Variants in ABLIM1 observed in about 807,000 individuals in gnomAD.
ABLIM1 encodes the protein actin binding LIM protein 1.
ABLIM1 carries 40 observed loss-of-function variants against 107.0 expected under a neutral mutation model. That is an observed-to-expected ratio of 0.37 (90% CI 0.29 to 0.49). The LOEUF (loss-of-function observed/expected upper bound fraction) is 0.49, where lower values mean the gene tolerates loss of function less well. Ranked by LOEUF, ABLIM1 falls within the 20% of genes least tolerant of loss-of-function variation. The probability of loss-of-function intolerance (pLI) is 0.97; values close to 1 mark genes in which losing one functional copy is unlikely to be tolerated. For synonymous variants in ABLIM1, 357 were observed against 357.3 expected, an observed-to-expected ratio of 1.00 and a Z score of 0.01; for missense variants, 857 against 1,008.5, an observed-to-expected ratio of 0.85 and a Z score of 2.04.
At chr10:114,705,811 A>G (rs1252986564) in intron 1 of ABLIM1, among the ~76,000 whole-genome samples, 2 of 152,232 alleles carry the variant, frequency 1.3e-5, no homozygotes, top group Non-Finnish European at 2.9e-5. Flanking sequence ...TCATAACAAA[A>G]AATTTGAAAT....
At chr10:114,742,800 A>G (rs1161806404) in intron 1 of ABLIM1, among the ~76,000 whole-genome samples, 1 of 152,100 alleles carries the variant, frequency 6.6e-6, no homozygotes, top group Non-Finnish European at 1.5e-5. Context: ...GTGGTGGCAC[A>G]CGCCTATAGT....
chr10:114,436,145 G>T lies in ABLIM1; in HGVS notation c.*115C>A. On this transcript the variant is annotated 3_prime_UTR_variant, in exon 23 of 23. Transcript: ENST00000533213. ...TTTAACCAGACTTTCTCTTTTTGGT[G>T]TTGCTGAGCGACGGTAGTTTGCAAA... is the stretch of plus-strand genomic sequence containing the variant. 1 of 739,902 alleles carries T rather than the reference G, an allele frequency of 1.4e-6. No individual in the cohort carries two copies. The highest frequency in any genetic ancestry group is 2.3e-6 in the Non-Finnish European group (1 of 443,538). The allele number at this position is 739,902 out of a possible 1,614,324, so 45.8% of individuals were successfully genotyped here.
intron 1 of ABLIM1, among the ~76,000 whole-genome samples, chr10:114,624,320 C>A (rs1465194945): frequency 2.6e-5 from 4 of 152,092 alleles, no homozygotes; most frequent in East Asian, 1.9e-4. Flanking sequence ...GCTGTGAATG[C>A]GATGGCAAAG....
At chr10:114,705,411 A>T (rs1042961670) in intron 1 of ABLIM1, among the ~76,000 whole-genome samples, 1 of 152,148 alleles carries the variant, frequency 6.6e-6, no homozygotes, top group Non-Finnish European at 1.5e-5. Flanking sequence ...ATGGCTCATG[A>T]GGGGATAGGT....
intron 1 of ABLIM1, among the ~76,000 whole-genome samples, chr10:114,698,984 C>T (rs2141820976): frequency 1.3e-5 from 2 of 151,306 alleles, no homozygotes; most frequent in Middle Eastern, 6.8e-3. Flanking sequence ...GCCAGTGAGT[C>T]CAAATTAGAA....
the ABLIM1 span, among the ~76,000 whole-genome samples, chr10:114,798,524 G>A: frequency 6.7e-6 from 1 of 148,838 alleles, no homozygotes; most frequent in African/African-American, 2.5e-5. Context: ...TTGAGCCCAG[G>A]AGTTCAAGAC....
chr10:114,593,517 G>A (rs1486601761), intron 2 of ABLIM1, among the ~76,000 whole-genome samples: 2 of 152,132 alleles, frequency 1.3e-5, no homozygotes, highest in Admixed American at 6.6e-5. Flanking sequence ...GTTTGTATAA[G>A]AGCTGAGGAA....
chr10:114,440,745 G>A (rs1308850827), intron 19 of ABLIM1: 2 of 539,402 alleles, frequency 3.7e-6, no homozygotes, highest in East Asian at 8.0e-5. Context: ...GCAGGCATGA[G>A]CCACCATGCC....
At chr10:114,720,611 A>G (rs1189832734) in intron 1 of ABLIM1, among the ~76,000 whole-genome samples, 1 of 152,100 alleles carries the variant, frequency 6.6e-6, no homozygotes, top group Non-Finnish European at 1.5e-5. Flanking sequence ...ACAGAGAGAG[A>G]TCTTTGGGAA....
At chr10:114,710,268 C>T (rs2081519901) in intron 1 of ABLIM1, among the ~76,000 whole-genome samples, 2 of 152,150 alleles carry the variant, frequency 1.3e-5, no homozygotes, top group African/African-American at 4.8e-5. Flanking sequence ...TCTGTTCTCA[C>T]ACTGCTAATA....
chr10:114,631,398 A>G (rs1346069732), intron 1 of ABLIM1, among the ~76,000 whole-genome samples: 1 of 152,160 alleles, frequency 6.6e-6, no homozygotes, highest in Non-Finnish European at 1.5e-5. Context: ...TAGTGAAATG[A>G]CAGGTTATAC....
At chr10:114,514,845 G>T (rs2062558098) in intron 6 of ABLIM1, among the ~76,000 whole-genome samples, 1 of 152,182 alleles carries the variant, frequency 6.6e-6, no homozygotes, top group Admixed American at 6.5e-5. Flanking sequence ...AAAAGCTTCA[G>T]ATTGAAAACT....
the ABLIM1 span, among the ~76,000 whole-genome samples, chr10:114,795,705 A>C: frequency 1.4e-5 from 2 of 147,800 alleles, no homozygotes; most frequent in African/African-American, 5.2e-5. Flanking sequence ...GCGAGACTCC[A>C]TCTCAAAAAA....
At chr10:114,640,328 A>C (rs2078682521) in intron 1 of ABLIM1, among the ~76,000 whole-genome samples, 1 of 152,224 alleles carries the variant, frequency 6.6e-6, no homozygotes, top group Non-Finnish European at 1.5e-5. Flanking sequence ...GGAGTTCGAG[A>C]CCAGCCTGGC....
chr10:114,613,508 C>G (rs1212598424), intron 1 of ABLIM1: 1 of 407,546 alleles, frequency 2.5e-6, no homozygotes, highest in East Asian at 7.4e-5. Context: ...TACCGGCACA[C>G]CATTGTGCCA....
At chr10:114,471,171 G>A (rs1427513673) in intron 10 of ABLIM1, among the ~76,000 whole-genome samples, 1 of 152,112 alleles carries the variant, frequency 6.6e-6, no homozygotes, top group Non-Finnish European at 1.5e-5. Flanking sequence ...CTGGTATTAC[G>A]GACATGAGTC....
At chr10:114,727,695 C>G (rs1409715161) in intron 1 of ABLIM1, among the ~76,000 whole-genome samples, 1 of 152,182 alleles carries the variant, frequency 6.6e-6, no homozygotes, top group Non-Finnish European at 1.5e-5. Context: ...ATGGCCCACG[C>G]CTGTAATCCA....
intron 1 of ABLIM1, among the ~76,000 whole-genome samples, chr10:114,697,865 GATAA>G (rs1415319984): frequency 7.2e-5 from 11 of 152,022 alleles, no homozygotes; most frequent in Non-Finnish European, 1.5e-5. Context: ...TTTGGTATGT[GATAA>G]ATAAGTGCTT....
the ABLIM1 span, among the ~76,000 whole-genome samples, chr10:114,789,659 A>G: frequency 5.3e-5 from 8 of 152,232 alleles, no homozygotes; most frequent in Non-Finnish European, 1.0e-4. Context: ...TTTGATTTAC[A>G]TTGCTCCAAT....
Sources: gnomAD v4.1 joint callset for allele counts (sites outside exome capture counted in the v4.1 genomes callset) on GRCh38, gnomAD v4.1.1 for gene constraint, MANE v1.5 for transcripts, NCBI Gene and HGNC (gene_info 2026-07-23, HGNC 2026-07-21) for gene names.